SKOR2: variants seen among roughly 807,000 people sequenced by gnomAD.
SKOR2 encodes SKI family transcriptional corepressor 2, also known as LBX1 corepressor 1-like protein.
A neutral mutation model predicts 69.1 loss-of-function variants in SKOR2; 47 were observed. The observed-to-expected ratio is 0.68, with a 90% CI of 0.54 to 0.87. The LOEUF is 0.87. Among genes scored for constraint, SKOR2 ranks in the 40% least tolerant of loss-of-function variants. The probability of loss-of-function intolerance (pLI) is 0.00; values close to 1 mark genes in which losing one functional copy is unlikely to be tolerated. For missense variants in SKOR2, 1,404 were observed against 1,472.2 expected (o/e 0.95, Z 0.76); for synonymous variants, 717 against 672.6 (o/e 1.07, Z -1.02).
chr18:47,234,865 A>G (rs1049022865), intron 4 of SKOR2, among the ~76,000 whole-genome samples: 2 of 57,750 alleles, frequency 3.5e-5, no homozygotes, highest in Admixed American at 1.8e-4. Flanking sequence ...CATCTCAGGG[A>G]AAAAAAAAAA....
Position 47,247,649 on chromosome 18 carries a change from TC to T in SKOR2, c.1534del (p.Asp512ThrfsTer24). On this transcript the variant is annotated frameshift_variant, in exon 2 of 9. Coordinates refer to ENST00000425639, the MANE Select transcript of SKOR2 (RefSeq NM_001278063.4). LOFTEE classifies it high-confidence loss of function. The surrounding 1 kb of genome is among the most constrained non-coding windows in gnomAD (Gnocchi z 6.6). Reference sequence around the variant, plus strand: ...AGCAGCACCGCCTGGCTCAGCCAGGTCCAGGAAGGCCTGGCGCAGCAGGGCC... The same window carrying T: ...AGCAGCACCGCCTGGCTCAGCCAGGTCAGGAAGGCCTGGCGCAGCAGGGCC... ...SPALLRQAFL[D>X]LAEPGGAAGS... The T allele has an allele frequency of 7.3e-7, 1 of 1,362,158 alleles. No individual in the cohort carries two copies. The highest frequency in any genetic ancestry group is 1.8e-5 in the South Asian group (1 of 57,046). 84.4% of individuals were successfully genotyped at this position (1,362,158 alleles called of 1,614,324 possible). A position where few individuals can be genotyped will look rare whatever the true frequency, so the allele number is the denominator to read the frequency against.
chr18:47,242,691 AG>A (rs1442623361), intron 4 of SKOR2, among the ~76,000 whole-genome samples: 1 of 152,148 alleles, frequency 6.6e-6, no homozygotes, highest in Non-Finnish European at 1.5e-5. Context: ...GTTGGGGTAA[AG>A]TTTGATGTCT....
chr18:47,232,847 A>G (rs781276779), intron 4 of SKOR2, among the ~76,000 whole-genome samples: 10 of 152,208 alleles, frequency 6.6e-5, no homozygotes, highest in Non-Finnish European at 1.5e-4. Context: ...ACCAAAATGT[A>G]ATGGCCCTGG....
At chr18:47,239,886 G>A (rs1354924890) in intron 4 of SKOR2, among the ~76,000 whole-genome samples, 3 of 152,076 alleles carry the variant, frequency 2.0e-5, no homozygotes, top group Non-Finnish European at 2.9e-5. Flanking sequence ...AAACAAAATA[G>A]TTTAAGGGTT....
At chr18:47,230,592 T>C in intron 5 of SKOR2, 35 bp from the exon 6 acceptor site, 2 of 1,268,088 alleles carry the variant, frequency 1.6e-6, no homozygotes, top group Non-Finnish European at 2.1e-6. Flanking sequence ...TTACTAATCT[T>C]TACAAATAAC....
chr18:47,249,289 G>T, intron 1 of SKOR2, 59 bp from the exon 2 acceptor site: 1 of 1,345,442 alleles, frequency 7.4e-7, no homozygotes, highest in Non-Finnish European at 9.8e-7. Context: ...CAGAGGGGTG[G>T]GATGAATCGC....
chr18:47,247,697 C>T lies in SKOR2; in HGVS notation c.1487G>A (p.Gly496Asp), dbSNP rs551688547. The T allele has an allele frequency of 2.8e-4, 388 of 1,366,000 alleles. 4 individuals are homozygous for T. The African/African-American group carries it at 4.9e-3, about 17-fold the overall frequency. The allele number at this position is 1,366,000 out of a possible 1,614,324, so 84.6% of individuals were successfully genotyped here. A position where few individuals can be genotyped will look rare whatever the true frequency, so the allele number is the denominator to read the frequency against. Residue 496 changes from glycine to aspartate, a missense_variant, in exon 2 of 9, where the codon GGC (glycine) becomes GAC (aspartate). Physicochemically the swap from Gly to Asp is moderately conservative, Grantham distance 94. Around this residue, in one of 3 missense-constraint regions of SKOR2, gnomAD observed 1,266 missense variants for 1,309.9 expected, o/e 0.97. Transcript: ENST00000425639. This position sits in a 1 kb window ranked among gnomAD's most constrained non-coding sequence, Gnocchi z 6.6. ...GGCCGGGCTTTCGCCTAGCGCGCAG[C>T]CTAGCGCCGAGGGCGGCTGAGGCGG... ...QPPPQPPSAL[G>D]CALGESPALL...
At chr18:47,249,861 G>A (rs1220205094) in intron 1 of SKOR2, among the ~76,000 whole-genome samples, 1 of 152,056 alleles carries the variant, frequency 6.6e-6, no homozygotes, top group Non-Finnish European at 1.5e-5. Flanking sequence ...TTTTTGAAAA[G>A]GTGAAAAATG....
chr18:47,216,466 T>C (rs1413802680), intron 7 of SKOR2, among the ~76,000 whole-genome samples: 1 of 152,148 alleles, frequency 6.6e-6, no homozygotes, highest in Non-Finnish European at 1.5e-5. Context: ...CACATTGAGA[T>C]AAGTACACAT....
At chr18:47,231,749 A>G (rs2064200470) in intron 4 of SKOR2, among the ~76,000 whole-genome samples, 1 of 151,878 alleles carries the variant, frequency 6.6e-6, no homozygotes, top group African/African-American at 2.4e-5. Context: ...AGGCTGAGGC[A>G]GAAGAATCAC....
rs1187581032 is a variant in SKOR2 at position 47,246,954 on chromosome 18, C to T, written c.2230G>A (p.Val744Met). 2.7e-6 allele frequency: 4 copies of T among 1,499,382 alleles called. No individual in the cohort carries two copies. The East Asian group carries it at 1.1e-4, about 41-fold the overall frequency. The allele number at this position is 1,499,382 out of a possible 1,614,324, so 92.9% of individuals were successfully genotyped here. Residue 744 changes from valine (V) to methionine (M), a missense_variant, in exon 2 of 9, where the codon GTG (valine) becomes ATG (methionine). Around this residue, in one of 3 missense-constraint regions of SKOR2, gnomAD observed 1,266 missense variants for 1,309.9 expected, o/e 0.97. Coordinates refer to ENST00000425639, the MANE Select transcript of SKOR2 (RefSeq NM_001278063.4). ...DEDDEEEEQE[V>M]DVEGHKPPEG... ...GGGGGCTTGTGGCCCTCCACGTCCACCTCCTGCTCTTCTTCCTCGTCGTCC... is the reference window on the plus strand; with the variant it reads ...GGGGGCTTGTGGCCCTCCACGTCCATCTCCTGCTCTTCTTCCTCGTCGTCC...
At chr18:47,213,009 G>A (rs2064132371) in intron 7 of SKOR2, among the ~76,000 whole-genome samples, 1 of 152,088 alleles carries the variant, frequency 6.6e-6, no homozygotes, top group Non-Finnish European at 1.5e-5. Context: ...GCACTGAATG[G>A]AAAATATGAC....
chr18:47,210,827 T>C (rs1295542479), intron 8 of SKOR2, among the ~76,000 whole-genome samples: 1 of 152,090 alleles, frequency 6.6e-6, no homozygotes, highest in Non-Finnish European at 1.5e-5. Flanking sequence ...AATAAGTCCA[T>C]GCATTAGGAA....
At chr18:47,240,787 T>C (rs2064245043) in intron 4 of SKOR2, among the ~76,000 whole-genome samples, 2 of 152,208 alleles carry the variant, frequency 1.3e-5, no homozygotes, top group Non-Finnish European at 2.9e-5. Flanking sequence ...TCTATATCTT[T>C]GTTCAGAGAA....
intron 6 of SKOR2, among the ~76,000 whole-genome samples, chr18:47,223,820 C>G (rs1179603809): frequency 6.6e-6 from 1 of 151,780 alleles, no homozygotes; most frequent in African/African-American, 2.4e-5. Flanking sequence ...TTAAAATTTT[C>G]CACAACAAGG....
chr18:47,208,332 T>C (rs977252999), intron 8 of SKOR2, among the ~76,000 whole-genome samples: 2 of 152,184 alleles, frequency 1.3e-5, no homozygotes, highest in African/African-American at 4.8e-5. Context: ...CCTTACAGCA[T>C]TGTAAAGATA....
chr18:47,239,661 T>C (rs2064240392), intron 4 of SKOR2, among the ~76,000 whole-genome samples: 2 of 152,208 alleles, frequency 1.3e-5, no homozygotes, highest in Admixed American at 1.3e-4. Context: ...ATTTTTTCAT[T>C]GCCCTTCTCT....
rs1478925679 is a variant in SKOR2, at chr18:47,222,669, C to T, written c.2918-2659G>A. ...TCCCTTTGTGAAGAAGAAAACTTTC[C>T]TCTGAGCCTCTAGGGATCCAAGATG... On this transcript the variant is annotated intron_variant, in intron 6 of 8. Coordinates refer to ENST00000425639, the MANE Select transcript of SKOR2 (RefSeq NM_001278063.4). Among the ~76,000 whole-genome samples the T allele has an allele frequency of 1.3e-5, 2 of 152,194 alleles. 1 individual carries two copies. The highest frequency in any genetic ancestry group is 4.1e-4 in the South Asian group (2 of 4,828).
Position 47,248,873 on chromosome 18 carries a change from C to A in SKOR2, c.311G>T (p.Arg104Leu). Residue 104 changes from arginine to leucine, a missense_variant, in exon 2 of 9, where the codon CGT (arginine) becomes CTT (leucine). Physicochemically the swap from Arg to Leu is moderately radical, Grantham distance 102. Around this residue, in one of 3 missense-constraint regions of SKOR2, gnomAD observed 34 missense variants for 66.6 expected, o/e 0.51. Coordinates refer to ENST00000425639, the MANE Select transcript of SKOR2 (RefSeq NM_001278063.4). The surrounding 1 kb of genome is among the most constrained non-coding windows in gnomAD (Gnocchi z 6.4). ...CTPVQLEILR[R>L]AGAMPISSRR... ...CGATGAGATGGGCATGGCCCCGGCA[C>A]GCCGCAGGATCTCCAGTTGCACCGG... is the stretch of plus-strand genomic sequence containing the variant. The A allele has an allele frequency of 6.4e-7, 1 of 1,566,190 alleles. No homozygotes were observed. Among genetic ancestry groups the A allele is most frequent in the Non-Finnish European group, 8.6e-7 (1 of 1,163,602 alleles).
Sources: allele counts gnomAD v4.1 joint callset (sites outside exome capture counted in the v4.1 genomes callset), GRCh38; gene constraint gnomAD v4.1.1; regional missense constraint gnomAD v4.1.1; non-coding constraint Gnocchi (gnomAD v3.1); transcripts MANE v1.5; gene names NCBI Gene and HGNC (gene_info 2026-07-23, HGNC 2026-07-21).